TMPRSS11A: variants seen among roughly 807,000 people sequenced by gnomAD.
The protein encoded by TMPRSS11A is transmembrane protease serine 11A.
In TMPRSS11A, 53 loss-of-function variants were observed where a neutral mutation model predicts 58.9. The ratio of observed to expected loss-of-function variants is 0.90; its 90% CI spans 0.72 to 1.13. The LOEUF (loss-of-function observed/expected upper bound fraction) is 1.13. TMPRSS11A is among the 50% of genes most tolerant of loss of function. TMPRSS11A has a pLI of 0.00. For synonymous variants in TMPRSS11A, 167 were observed against 169.8 expected, an observed-to-expected ratio of 0.98 and a Z score of 0.13; for missense variants, 493 against 499.3, an observed-to-expected ratio of 0.99 and a Z score of 0.12.
At position 67,915,696 on chromosome 4, in the gene TMPRSS11A, A is replaced by G. The variant is rs560493442; in HGVS notation, c.953-966T>C. Among the ~76,000 whole-genome samples, 3 of 152,342 alleles carry G rather than the reference A, an allele frequency of 2.0e-5. No homozygotes were observed. In the East Asian group the frequency reaches 5.8e-4, roughly 29 times the overall value. On this transcript the variant is annotated intron_variant, in intron 8 of 9. Transcript: ENST00000508048. ...TAAAGAGTTAAAGCAGCAAGCTGGC[A>G]TGCATTCTACAGCTGCGAGTAAAGG...
At chr4:67,919,348 G>T in intron 7 of TMPRSS11A, 116 bp from the exon 8 acceptor site, 1 of 923,350 alleles carries the variant, frequency 1.1e-6, no homozygotes, top group Non-Finnish European at 1.6e-6. Flanking sequence ...CTTGGCTGCA[G>T]TTATAGTTTT....
chr4:67,935,915 A>G (rs1720741409), intron 3 of TMPRSS11A, among the ~76,000 whole-genome samples: 1 of 152,162 alleles, frequency 6.6e-6, no homozygotes, highest in Non-Finnish European at 1.5e-5. Flanking sequence ...AATAATTATA[A>G]TAGTGGGAAT....
chr4:67,959,542 G>A (rs913426573), intron 1 of TMPRSS11A, among the ~76,000 whole-genome samples: 1 of 152,124 alleles, frequency 6.6e-6, no homozygotes, highest in Admixed American at 6.5e-5. Context: ...CAAAAGATAT[G>A]AACAGACACT....
At chr4:67,963,326 C>T (rs942376016) in intron 1 of TMPRSS11A, 57 bp downstream of exon 1, 89 of 1,594,024 alleles carry the variant, frequency 5.6e-5, no homozygotes, top group Non-Finnish European at 7.0e-5. Flanking sequence ...ATCAGGAATC[C>T]GGCCACTGAC....
Position 67,911,394 on chromosome 4 carries a change from T to A in TMPRSS11A, c.1205A>T (p.Tyr402Phe). The part of the protein sequence containing the change: ...NCGQKDKPGV[Y>F]TQVTYYRNWI... ...GTTTCGGTAATAAGTCACTTGTGTGTAGACTCCAGGCTTGTCCTTTTGACC... is the reference window on the plus strand; with the variant it reads ...GTTTCGGTAATAAGTCACTTGTGTGAAGACTCCAGGCTTGTCCTTTTGACC... The change falls in exon 10 of 10, where the codon TAC becomes TTC. Residue 402 changes from tyrosine (Y) to phenylalanine (F), a missense_variant. By Grantham distance (22) the Tyr-to-Phe change is conservative. Coordinates refer to ENST00000508048, the MANE Select transcript of TMPRSS11A (RefSeq NM_001114387.2). 1 of 1,613,710 alleles carries A rather than the reference T, an allele frequency of 6.2e-7. No individual in the cohort carries two copies. Among genetic ancestry groups the A allele is most frequent in the Non-Finnish European group, 8.5e-7 (1 of 1,179,674 alleles).
At chr4:67,924,789 T>A (rs1011475434) in intron 5 of TMPRSS11A, among the ~76,000 whole-genome samples, 5 of 152,072 alleles carry the variant, frequency 3.3e-5, no homozygotes, top group African/African-American at 1.2e-4. Context: ...ATGATTTAAT[T>A]TATCTCCCAC....
intron 1 of TMPRSS11A, among the ~76,000 whole-genome samples, chr4:67,962,123 AAC>A (rs1721444380): frequency 6.6e-6 from 1 of 152,304 alleles, no homozygotes; most frequent in Admixed American, 6.5e-5. Flanking sequence ...ATAATTTTTT[AAC>A]AGTCAAACAT....
chr4:67,951,802 A>T (rs1721168472), intron 1 of TMPRSS11A, among the ~76,000 whole-genome samples: 1 of 152,176 alleles, frequency 6.6e-6, no homozygotes, highest in Non-Finnish European at 1.5e-5. Flanking sequence ...AACTGAACAA[A>T]GGTGCTAAGG....
intron 1 of TMPRSS11A, among the ~76,000 whole-genome samples, chr4:67,951,354 A>G (rs11725963): frequency 0.022 from 3,385 of 152,350 alleles, 52 homozygotes; most frequent in Non-Finnish European, 0.035. Flanking sequence ...GTTAATGATC[A>G]GAGCTGAGAA....
chr4:67,959,550 ACTT>A (rs1422718823), intron 1 of TMPRSS11A, among the ~76,000 whole-genome samples: 1 of 152,218 alleles, frequency 6.6e-6, no homozygotes, highest in Non-Finnish European at 1.5e-5. Context: ...ATGAACAGAC[ACTT>A]CTTAAAAGAA....
At chr4:67,923,850 C>T (rs1470712365) in intron 6 of TMPRSS11A, among the ~76,000 whole-genome samples, 1 of 152,112 alleles carries the variant, frequency 6.6e-6, no homozygotes, top group African/African-American at 2.4e-5. Flanking sequence ...CATTTTATGG[C>T]ATTTTTAAAA....
intron 1 of TMPRSS11A, among the ~76,000 whole-genome samples, chr4:67,951,516 G>A (rs1486279764): frequency 6.6e-6 from 1 of 151,816 alleles, no homozygotes; most frequent in East Asian, 1.9e-4. Context: ...CAGCCACTTT[G>A]GCCACTCCAA....
intron 1 of TMPRSS11A, among the ~76,000 whole-genome samples, chr4:67,950,660 C>T (rs375025933): frequency 1.3e-5 from 2 of 152,172 alleles, no homozygotes; most frequent in South Asian, 2.1e-4. Context: ...GAAAATATGC[C>T]TTTCAGGAAA....
chr4:67,944,458 G>C (rs958601611), intron 3 of TMPRSS11A, 61 bp downstream of exon 3: 7 of 1,551,694 alleles, frequency 4.5e-6, no homozygotes, highest in Admixed American at 4.0e-5. Flanking sequence ...ATGGAGAAAT[G>C]ATCCACAAAA....
At chr4:67,930,078 A>G (rs1720573244) in intron 4 of TMPRSS11A, 38 bp from the exon 5 acceptor site, 1 of 1,578,600 alleles carries the variant, frequency 6.3e-7, no homozygotes, top group African/African-American at 1.3e-5. Context: ...TTCAAAGAAT[A>G]CACCTGGAAT....
chr4:67,920,549 A>ATATATATATATATT (rs371252656), intron 7 of TMPRSS11A, among the ~76,000 whole-genome samples: 6 of 130,896 alleles, frequency 4.6e-5, no homozygotes, highest in African/African-American at 1.2e-4. Flanking sequence ...ATATATATAT[A>ATATATATATATATT]TTTTTTTTTA....
At chr4:67,963,292 A>C in intron 1 of TMPRSS11A, 91 bp downstream of exon 1, 57 of 1,187,972 alleles carry the variant, frequency 4.8e-5, no homozygotes, top group Non-Finnish European at 6.7e-5. Context: ...CACCAAAGAC[A>C]CCTCACTAGC....
intron 3 of TMPRSS11A, among the ~76,000 whole-genome samples, chr4:67,933,550 G>A (rs1720680186): frequency 6.6e-6 from 1 of 152,172 alleles, no homozygotes; most frequent in Non-Finnish European, 1.5e-5. Context: ...ATCAAAGATA[G>A]CATTTGGAAA....
At chr4:67,947,988 T>G (rs1350634355) in intron 1 of TMPRSS11A, among the ~76,000 whole-genome samples, 1 of 152,186 alleles carries the variant, frequency 6.6e-6, no homozygotes, top group South Asian at 2.1e-4. Context: ...CTTGCTATTA[T>G]AGTGAATTTT....
Sources: allele counts gnomAD v4.1 joint callset (sites outside exome capture counted in the v4.1 genomes callset), GRCh38; gene constraint gnomAD v4.1.1; transcripts MANE v1.5; gene names NCBI Gene and HGNC (gene_info 2026-07-23, HGNC 2026-07-21).